ITGA9: variants seen among roughly 807,000 people sequenced by gnomAD.
The protein encoded by ITGA9 is integrin subunit alpha 9, also known as integrin alpha-9.
Under a neutral mutation model 127.8 loss-of-function variants are expected in ITGA9, and 56 were observed. The ratio of observed to expected loss-of-function variants is 0.44; its 90% CI spans 0.35 to 0.55. The LOEUF is 0.55. ITGA9 is among the 20% of genes least tolerant of loss of function. The pLI is 0.00. For missense variants in ITGA9, 1,196 were observed against 1,347.1 expected (o/e 0.89, Z 1.76); for synonymous variants, 508 against 514.5 (o/e 0.99, Z 0.17).
At chr3:37,510,674 A>G (rs996083147) in intron 8 of ITGA9, among the ~76,000 whole-genome samples, 1 of 152,152 alleles carries the variant, frequency 6.6e-6, no homozygotes, top group African/African-American at 2.4e-5. Flanking sequence ...GGATGTCCTT[A>G]TCATACCAAG....
At chr3:37,794,729 C>T (rs948934803) in intron 26 of ITGA9, among the ~76,000 whole-genome samples, 1 of 152,178 alleles carries the variant, frequency 6.6e-6, no homozygotes, top group Non-Finnish European at 1.5e-5. Context: ...AATTAGAAAG[C>T]CCAGCTCATT....
chr3:37,792,367 A>G (rs1185937205), intron 26 of ITGA9, among the ~76,000 whole-genome samples: 1 of 152,198 alleles, frequency 6.6e-6, no homozygotes, highest in Admixed American at 6.5e-5. Context: ...GCAAACAAGA[A>G]TTCTATTTCC....
At chr3:37,596,879 G>A (rs1176481074) in intron 15 of ITGA9, among the ~76,000 whole-genome samples, 1 of 152,188 alleles carries the variant, frequency 6.6e-6, no homozygotes, top group African/African-American at 2.4e-5. Flanking sequence ...AGCCACAGAA[G>A]TCTCTAGAGC....
chr3:37,650,325 T>C (rs1700417537), intron 16 of ITGA9, among the ~76,000 whole-genome samples: 1 of 152,074 alleles, frequency 6.6e-6, no homozygotes, highest in South Asian at 2.1e-4. Context: ...TTGTAAGGAG[T>C]GCCATCATCG....
At chr3:37,471,307 T>C in intron 2 of ITGA9, among the ~76,000 whole-genome samples, 173 bp downstream of exon 2, 1 of 152,064 alleles carries the variant, frequency 6.6e-6, no homozygotes, top group South Asian at 2.1e-4. Flanking sequence ...AGCACTGGGA[T>C]ACACCAGTGA....
intron 17 of ITGA9, among the ~76,000 whole-genome samples, chr3:37,676,335 G>A (rs1208710732): frequency 2.0e-5 from 3 of 152,158 alleles, no homozygotes; most frequent in Non-Finnish European, 1.5e-5. Context: ...CATTTTAAGC[G>A]CTCAAATGCC....
intron 7 of ITGA9, 23 bp downstream of exon 7, chr3:37,506,108 T>G: frequency 6.5e-7 from 1 of 1,542,572 alleles, no homozygotes; most frequent in Non-Finnish European, 8.9e-7. Context: ...ATCTGTGGAA[T>G]AGCTGGGGTC....
At chr3:37,733,557 T>A (rs1696323637) in intron 19 of ITGA9, among the ~76,000 whole-genome samples, 1 of 139,698 alleles carries the variant, frequency 7.2e-6, no homozygotes, top group African/African-American at 2.6e-5. Context: ...GAAAGCTTCA[T>A]CCTTTTCTCC....
chr3:37,547,214 C>T (rs372068764), intron 15 of ITGA9, among the ~76,000 whole-genome samples: 3 of 152,282 alleles, frequency 2.0e-5, no homozygotes, highest in South Asian at 4.1e-4. Context: ...CTACACTAGA[C>T]GAGGGAATAT....
At chr3:37,775,464 G>GA (rs34318701) in intron 23 of ITGA9, among the ~76,000 whole-genome samples, 55,992 of 151,618 alleles carry the variant, frequency 0.37, 13,164 homozygotes, top group African/African-American at 0.67. Context: ...CTAACACGGT[G>GA]AACCCCATAT....
chr3:37,655,626 T>C (rs1211534570), intron 17 of ITGA9, among the ~76,000 whole-genome samples: 1 of 152,204 alleles, frequency 6.6e-6, no homozygotes, highest in Non-Finnish European at 1.5e-5. Context: ...GCAAAAATTT[T>C]CTCCCATTCT....
intron 1 of ITGA9, among the ~76,000 whole-genome samples, chr3:37,466,595 T>C (rs572205765): frequency 6.6e-6 from 1 of 151,470 alleles, no homozygotes; most frequent in East Asian, 1.9e-4. Context: ...TCTCTTCTAC[T>C]GGCTCCAAAT....
At chr3:37,553,136 A>G (rs1699394876) in intron 15 of ITGA9, among the ~76,000 whole-genome samples, 1 of 152,106 alleles carries the variant, frequency 6.6e-6, no homozygotes, top group Non-Finnish European at 1.5e-5. Flanking sequence ...TTGCTTTGTA[A>G]TTTTCTATCT....
intron 16 of ITGA9, among the ~76,000 whole-genome samples, chr3:37,637,617 A>G (rs548990547): frequency 1.3e-5 from 2 of 152,270 alleles, no homozygotes; most frequent in Non-Finnish European, 2.9e-5. Context: ...CCCACCCCAG[A>G]CCCACTGAAT....
At chr3:37,588,597 G>A (rs560115476) in intron 15 of ITGA9, among the ~76,000 whole-genome samples, 1 of 152,326 alleles carries the variant, frequency 6.6e-6, no homozygotes, top group South Asian at 2.1e-4. Flanking sequence ...AGAGGGAGAT[G>A]TGGAGACTGA....
intron 2 of ITGA9, among the ~76,000 whole-genome samples, chr3:37,472,934 T>A (rs1407050933): frequency 1.2e-4 from 18 of 148,984 alleles, no homozygotes; most frequent in Non-Finnish European, 3.0e-5. Flanking sequence ...AGGTTAGGAG[T>A]TTGAGACCAG....
chr3:37,499,889 A>G (rs1219350204), intron 5 of ITGA9, among the ~76,000 whole-genome samples: 2 of 152,138 alleles, frequency 1.3e-5, no homozygotes, highest in Non-Finnish European at 2.9e-5. Flanking sequence ...ACATTTTTCA[A>G]CTTTTATCCT....
chr3:37,457,400 G>A (rs1033558463), intron 1 of ITGA9, among the ~76,000 whole-genome samples: 2 of 152,126 alleles, frequency 1.3e-5, no homozygotes, highest in Non-Finnish European at 2.9e-5. Context: ...CTCCTGTGAA[G>A]GGAAAACATT....
chr3:37,742,511 A>G (rs1696450706), intron 21 of ITGA9, among the ~76,000 whole-genome samples: 1 of 152,230 alleles, frequency 6.6e-6, no homozygotes, highest in Non-Finnish European at 1.5e-5. Flanking sequence ...CCAGCTTGGA[A>G]AAATGAGAAC....
Sources: gnomAD v4.1 joint callset for allele counts (sites outside exome capture counted in the v4.1 genomes callset) on GRCh38, gnomAD v4.1.1 for gene constraint, MANE v1.5 for transcripts, NCBI Gene and HGNC (gene_info 2026-07-23, HGNC 2026-07-21) for gene names.